The following THSD4 variants were observed in gnomAD, a reference collection of about 807,000 sequenced individuals.
THSD4 encodes the protein thrombospondin type-1 domain-containing protein 4.
In THSD4, 69 loss-of-function variants were observed where a neutral mutation model predicts 119.0. The observed-to-expected ratio is 0.58, with a 90% confidence interval of 0.48 to 0.71. THSD4 has a LOEUF of 0.71. THSD4 is among the 30% of genes least tolerant of loss of function. The pLI is 0.00. For missense variants in THSD4, 1,393 were observed against 1,391.1 expected (o/e 1.00, Z -0.02); for synonymous variants, 524 against 540.4 (o/e 0.97, Z 0.42).
chr15:71,693,506 G>C (rs915153831), intron 8 of THSD4, among the ~76,000 whole-genome samples: 2 of 152,140 alleles, frequency 1.3e-5, no homozygotes, highest in African/African-American at 4.8e-5. Flanking sequence ...AATTAGCCAG[G>C]TGTTGTAGTG....
chr15:71,501,753 G>A (rs1228710597), intron 7 of THSD4, among the ~76,000 whole-genome samples: 4 of 152,148 alleles, frequency 2.6e-5, no homozygotes, highest in African/African-American at 7.2e-5. Context: ...GATCCATCAT[G>A]ACCTCTCAAT....
At chr15:71,600,919 G>T (rs1003003254) in intron 7 of THSD4, among the ~76,000 whole-genome samples, 7 of 151,774 alleles carry the variant, frequency 4.6e-5, no homozygotes. Context: ...GCTAATTTTT[G>T]TATTTTTAGT....
intron 7 of THSD4, among the ~76,000 whole-genome samples, chr15:71,514,674 A>C (rs533905895): frequency 1.3e-5 from 2 of 152,230 alleles, no homozygotes; most frequent in Non-Finnish European, 2.9e-5. Context: ...GAAAATATAC[A>C]TAAAAGAAGA....
intron 6 of THSD4, among the ~76,000 whole-genome samples, chr15:71,313,994 C>T (rs577702628): frequency 6.6e-6 from 1 of 152,156 alleles, no homozygotes; most frequent in Admixed American, 6.5e-5. Flanking sequence ...CATAGGAAGG[C>T]TTTTATTGGA....
At chr15:71,121,388 G>A (rs919105032) in intron 1 of THSD4, among the ~76,000 whole-genome samples, 1 of 150,914 alleles carries the variant, frequency 6.6e-6, no homozygotes, top group African/African-American at 2.4e-5. Flanking sequence ...CCCCACTTTG[G>A]CTGAGTCCTG....
Position 71,746,988 on chromosome 15 carries a change from C to T in THSD4, c.2187C>T (p.Ser729=). 6.2e-7 allele frequency: 1 copy of T among 1,613,496 alleles called. No homozygotes were observed. The highest frequency in any genetic ancestry group is 8.5e-7 in the Non-Finnish European group (1 of 1,179,980). The change falls in exon 13 of 18, where the codon AGC becomes AGT. Residue 729 remains serine (S), a synonymous_variant. Transcript: ENST00000261862. ...ACCTGGAGAAACCTGAGACCACCAG[C>T]ACCTGCCAACTCAAGATCTGCAGCG... ...CQHLEKPETT[S]TCQLKICSEW...
At chr15:71,443,164 G>C (rs1234208252) in intron 7 of THSD4, among the ~76,000 whole-genome samples, 1 of 152,166 alleles carries the variant, frequency 6.6e-6, no homozygotes, top group Non-Finnish European at 1.5e-5. Flanking sequence ...AACTATTCTT[G>C]CAACTTTTTC....
intron 3 of THSD4, among the ~76,000 whole-genome samples, chr15:71,214,160 A>ATAGCTAGAGGATTTT (rs1567159370): frequency 6.9e-6 from 1 of 144,652 alleles, no homozygotes; most frequent in African/African-American, 2.8e-5. Flanking sequence ...AGCACTCTGT[A>ATAGCTAGAGGATTTT]AAATGGACCG....
chr15:71,266,085 C>T (rs1167088009), intron 6 of THSD4, among the ~76,000 whole-genome samples: 1 of 152,238 alleles, frequency 6.6e-6, no homozygotes, highest in Non-Finnish European at 1.5e-5. Flanking sequence ...CAGCGGATCT[C>T]CCATCACAGC....
At chr15:71,532,283 A>AGAGAGAGAGAGAGAGTGAGTGT in intron 7 of THSD4, among the ~76,000 whole-genome samples, 1 of 101,648 alleles carries the variant, frequency 9.8e-6, no homozygotes, top group East Asian at 3.2e-4. Context: ...AGAGAGAGAG[A>AGAGAGAGAGAGAGAGTGAGTGT]GTGTGTGTGT....
At chr15:71,665,969 T>C (rs903419135) in intron 8 of THSD4, among the ~76,000 whole-genome samples, 13 of 152,242 alleles carry the variant, frequency 8.5e-5, no homozygotes, top group African/African-American at 2.9e-4. Flanking sequence ...TTGCTTAGGA[T>C]TGCCTTGGCC....
intron 8 of THSD4, among the ~76,000 whole-genome samples, chr15:71,670,458 ATT>A (rs2141012524): frequency 6.8e-6 from 1 of 146,432 alleles, no homozygotes; most frequent in South Asian, 2.2e-4. Flanking sequence ...TATGTGCCAC[ATT>A]TTCTTTTTTT....
At chr15:71,650,319 C>T (rs1219879654) in intron 7 of THSD4, among the ~76,000 whole-genome samples, 1 of 152,126 alleles carries the variant, frequency 6.6e-6, no homozygotes, top group African/African-American at 2.4e-5. Flanking sequence ...CAATGTAGAG[C>T]AGCACCTTTC....
At chr15:71,479,546 A>C (rs1405966674) in intron 7 of THSD4, among the ~76,000 whole-genome samples, 1 of 152,198 alleles carries the variant, frequency 6.6e-6, no homozygotes, top group Non-Finnish European at 1.5e-5. Flanking sequence ...ACAGATATGC[A>C]TCTCGGAGTC....
chr15:71,276,246 T>C (rs1305837981), intron 6 of THSD4, among the ~76,000 whole-genome samples: 1 of 152,270 alleles, frequency 6.6e-6, no homozygotes, highest in East Asian at 1.9e-4. Context: ...TATTGCCTAG[T>C]TACCCTTTGG....
intron 7 of THSD4, among the ~76,000 whole-genome samples, chr15:71,532,213 G>A (rs554992097): frequency 2.7e-5 from 4 of 150,416 alleles, no homozygotes; most frequent in South Asian, 4.2e-4. Flanking sequence ...GGTAACAGCC[G>A]TCAGCAATGC....
At chr15:71,127,600 AGCC>A (rs1555449420) in intron 1 of THSD4, among the ~76,000 whole-genome samples, 2 of 152,206 alleles carry the variant, frequency 1.3e-5, no homozygotes, top group Non-Finnish European at 1.5e-5. Flanking sequence ...TTTTGATAAT[AGCC>A]ATTCTGACAG....
intron 10 of THSD4, chr15:71,731,470 A>G: frequency 2.1e-6 from 1 of 483,584 alleles, no homozygotes; most frequent in Non-Finnish European, 3.8e-6. Flanking sequence ...CCAGTTCAAC[A>G]TTTGAAATGC....
At chr15:71,237,124 G>A (rs1596284136) in intron 4 of THSD4, among the ~76,000 whole-genome samples, 1 of 152,164 alleles carries the variant, frequency 6.6e-6, no homozygotes, top group South Asian at 2.1e-4. Flanking sequence ...GGCTGTGTAG[G>A]TTGAGTGGGT....
Sources: allele counts gnomAD v4.1 joint callset (sites outside exome capture counted in the v4.1 genomes callset), GRCh38; gene constraint gnomAD v4.1.1; transcripts MANE v1.5; gene names NCBI Gene and HGNC (gene_info 2026-07-23, HGNC 2026-07-21).